The following PHF19 variants were observed in gnomAD, a reference collection of about 807,000 sequenced individuals.
PHF19 encodes the protein polycomb like 3.
PHF19 carries 21 observed loss-of-function variants against 79.8 expected under a neutral mutation model. The observed-to-expected ratio is 0.26, with a 90% CI of 0.19 to 0.38. The LOEUF is 0.38. Ranked by LOEUF, PHF19 falls within the 10% of genes least tolerant of loss-of-function variation. PHF19 has a pLI of 1.00. For synonymous variants in PHF19, 273 were observed against 296.3 expected, an observed-to-expected ratio of 0.92 and a Z score of 0.81; for missense variants, 445 against 744.2, an observed-to-expected ratio of 0.60 and a Z score of 4.68.
At chr9:120,873,942 G>C (rs760570563) in intron 3 of PHF19, 37 bp downstream of exon 3, 1 of 1,004,564 alleles carries the variant, frequency 1.0e-6, no homozygotes, top group Non-Finnish European at 1.6e-6. Flanking sequence ...AAGACCTGGG[G>C]AGGTTGGGGG....
chr9:120,865,572 C>T, intron 9 of PHF19, 138 bp downstream of exon 9: 3 of 1,102,796 alleles, frequency 2.7e-6, no homozygotes, highest in Non-Finnish European at 3.9e-6. Context: ...CCTTAAAGGA[C>T]ACAAGATCAG....
In PHF19 at chr9:120,860,726, C is replaced by T. The variant is rs774354081; in HGVS notation, c.1304+363G>A. ...GGTGCTATGGAACTACAAAGGAGGG[C>T]GTCCAGCACAGCCTGGGGAGGGTTA... On this transcript the variant is annotated intron_variant, in intron 13 of 14. Coordinates refer to ENST00000373896, the MANE Select transcript of PHF19 (RefSeq NM_015651.3). This position sits in a 1 kb window ranked among gnomAD's most constrained non-coding sequence, Gnocchi z 4.1. Among the ~76,000 whole-genome samples, 23 of 152,148 alleles carry T rather than the reference C, an allele frequency of 1.5e-4. No homozygotes were observed. The highest frequency in any genetic ancestry group is 1.4e-3 in the Admixed American group (22 of 15,282).
At position 120,869,741 on chromosome 9, in the gene PHF19, G is replaced by C; in HGVS notation, c.465+104C>G. The C allele has an allele frequency of 6.3e-7, 1 of 1,579,396 alleles. No homozygotes were observed. The highest frequency in any genetic ancestry group is 8.6e-7 in the Non-Finnish European group (1 of 1,162,094). The stretch of plus-strand genomic sequence containing the variant: ...GGCGCTATCTGTCTCCAAAGCCCAG[G>C]TGTGGCCCTTCTGCTTGGAGCTCAG... On this transcript the variant is annotated intron_variant, in intron 5 of 14. Transcript: ENST00000373896. This position sits in a 1 kb window ranked among gnomAD's most constrained non-coding sequence, Gnocchi z 5.8.
At chr9:120,896,814 C>T (rs2046406728), upstream of PHF19, among the ~76,000 whole-genome samples, 1 of 152,158 alleles carries the variant, frequency 6.6e-6, no homozygotes, top group Admixed American at 6.5e-5. Context: ...CGTTGCACAC[C>T]CTGAAATGAA....
chr9:120,883,530 G>A (rs10985074), intron 1 of PHF19, among the ~76,000 whole-genome samples: 8,902 of 152,210 alleles, frequency 0.058, 762 homozygotes, highest in African/African-American at 0.19. Flanking sequence ...AGGCTGAGGT[G>A]GGTGAATTGC....
At chr9:120,903,504 C>G in the PHF19 span, 1 of 152,258 alleles carries the variant, frequency 6.6e-6, no homozygotes, top group African/African-American at 2.4e-5. Flanking sequence ...GGCTACTGAC[C>G]CATTTTTATA....
chr9:120,867,925 T>A (rs1018999778), intron 6 of PHF19, among the ~76,000 whole-genome samples: 1 of 152,078 alleles, frequency 6.6e-6, no homozygotes, highest in East Asian at 1.9e-4. Flanking sequence ...CTGCCATGGC[T>A]ACATAGAGGC....
Position 120,874,861 on chromosome 9 carries a change from G to A in PHF19, c.-15-105C>T. ...TTTCTGTACCCTGTGCTATAAGCCAGACTTGGTTATTATCTCACTGATTCC... is the reference window on the plus strand; with the variant it reads ...TTTCTGTACCCTGTGCTATAAGCCAAACTTGGTTATTATCTCACTGATTCC... On this transcript the variant is annotated intron_variant, in intron 1 of 14. Coordinates refer to ENST00000373896, the MANE Select transcript of PHF19 (RefSeq NM_015651.3). This position sits in a 1 kb window ranked among gnomAD's most constrained non-coding sequence, Gnocchi z 4.5. The A allele has an allele frequency of 1.5e-6, 1 of 675,226 alleles. No homozygotes were observed. The highest frequency in any genetic ancestry group is 1.8e-5 in the South Asian group (1 of 54,858). 41.8% of individuals were successfully genotyped at this position (675,226 alleles called of 1,614,324 possible).
At position 120,857,493 on chromosome 9, in the gene PHF19, G is replaced by C. The variant is rs1464924064; in HGVS notation, c.*451C>G. 6.3e-6 allele frequency: 1 copy of C among 159,390 alleles called. No individual in the cohort carries two copies. The highest frequency in any genetic ancestry group is 1.4e-5 in the Non-Finnish European group (1 of 73,302). 9.9% of individuals were successfully genotyped at this position (159,390 alleles called of 1,614,324 possible). ...CTCTCTCAAAGGTGCCTGTTATGTA[G>C]TCCCTGGGAGGACTGGCTGCCCCAC... On this transcript the variant is annotated 3_prime_UTR_variant, in exon 15 of 15. Transcript: ENST00000373896.
Position 120,870,042 on chromosome 9 carries a change from C to A in PHF19, c.365-97G>T. 1 of 1,487,388 alleles carries A rather than the reference C, an allele frequency of 6.7e-7. No individual in the cohort carries two copies. Among genetic ancestry groups the A allele is most frequent in the South Asian group, 1.3e-5 (1 of 77,098 alleles). The allele number at this position is 1,487,388 out of a possible 1,614,324, so 92.1% of individuals were successfully genotyped here. The stretch of plus-strand genomic sequence containing the variant: ...CAGGGCTGGGAGGGCTGAGGGAAGT[C>A]CTAGGAGCTCTGCCTGCCAGCTGCC... On this transcript the variant is annotated intron_variant, in intron 4 of 14. Coordinates refer to ENST00000373896, the MANE Select transcript of PHF19 (RefSeq NM_015651.3). This position sits in a 1 kb window ranked among gnomAD's most constrained non-coding sequence, Gnocchi z 4.4.
At position 120,869,767 on chromosome 9, in the gene PHF19, A is replaced by G. The variant is rs1056567; in HGVS notation, c.465+78T>C. On this transcript the variant is annotated intron_variant, in intron 5 of 14. Transcript: ENST00000373896. This position sits in a 1 kb window ranked among gnomAD's most constrained non-coding sequence, Gnocchi z 5.8. ...TGTGGCCCTTCTGCTTGGAGCTCAG[A>G]CTCTGTGATGGGAGTCTCTGGTCTG... 1,086,644 of 1,599,464 alleles carry G rather than the reference A, an allele frequency of 0.68. 372,714 individuals are homozygous for G. The highest frequency in any genetic ancestry group is 0.81 in the Admixed American group (47,166 of 58,006).
upstream of PHF19, among the ~76,000 whole-genome samples, chr9:120,878,941 G>A (rs911258024): frequency 1.3e-5 from 2 of 152,242 alleles, no homozygotes; most frequent in Admixed American, 1.3e-4. Flanking sequence ...TTCTAAGCTG[G>A]CTGGGTCTGC....
At position 120,864,005 on chromosome 9, in the gene PHF19, C is replaced by T. The variant is rs553738345; in HGVS notation, c.968+44G>A. The T allele has an allele frequency of 6.0e-6, 9 of 1,508,680 alleles. No individual in the cohort carries two copies. In the East Asian group the frequency reaches 1.4e-4, roughly 23 times the overall value. The allele number at this position is 1,508,680 out of a possible 1,614,324, so 93.5% of individuals were successfully genotyped here. A position where few individuals can be genotyped will look rare whatever the true frequency, so the allele number is the denominator to read the frequency against. ...GGCTATGAGGTAGGAAGGAATCTCA[C>T]CTGTAGAGGGCCCCACCACACTCCC... On this transcript the variant is annotated intron_variant, in intron 10 of 14. Coordinates refer to ENST00000373896, the MANE Select transcript of PHF19 (RefSeq NM_015651.3).
At chr9:120,888,266 G>A (rs1444048354) in intron 1 of PHF19, among the ~76,000 whole-genome samples, 3 of 152,120 alleles carry the variant, frequency 2.0e-5, no homozygotes, top group Admixed American at 6.6e-5. Flanking sequence ...TTGAGCCACC[G>A]CGCCTGGCCC....
chr9:120,877,379 G>A (rs1170391335), upstream of PHF19: 1 of 979,860 alleles, frequency 1.0e-6, no homozygotes, highest in East Asian at 1.1e-4. Context: ...AGCGGGGGCC[G>A]CGCCGGCCTC....
chr9:120,895,671 T>C (rs2046395412), upstream of PHF19, among the ~76,000 whole-genome samples: 1 of 152,044 alleles, frequency 6.6e-6, no homozygotes, highest in South Asian at 2.1e-4. Flanking sequence ...AATGGCACTT[T>C]TTTTTTTGAG....
At chr9:120,897,905 G>C (rs1224283908), upstream of PHF19, among the ~76,000 whole-genome samples, 1 of 148,430 alleles carries the variant, frequency 6.7e-6, no homozygotes, top group African/African-American at 2.5e-5. Flanking sequence ...CTTGAGCCTG[G>C]AAGGCAGAGG....
upstream of PHF19, among the ~76,000 whole-genome samples, chr9:120,879,962 C>T (rs1350910602): frequency 1.3e-5 from 2 of 151,704 alleles, no homozygotes; most frequent in East Asian, 3.9e-4. Flanking sequence ...TACACCATTA[C>T]ACATCCACCA....
At chr9:120,861,865 A>T in intron 12 of PHF19, 53 bp downstream of exon 12, 1 of 1,269,294 alleles carries the variant, frequency 7.9e-7, no homozygotes, top group East Asian at 2.3e-5. Context: ...GGAAGCCCTA[A>T]TATGTGCTGA....
Sources: allele counts gnomAD v4.1 joint callset (sites outside exome capture counted in the v4.1 genomes callset), GRCh38; gene constraint gnomAD v4.1.1; non-coding constraint Gnocchi (gnomAD v3.1); transcripts MANE v1.5; gene names NCBI Gene and HGNC (gene_info 2026-07-23, HGNC 2026-07-21).